TEAD4: variants seen among roughly 807,000 people sequenced by gnomAD.
TEAD4 encodes the protein TEA domain transcription factor 4.
Under a neutral mutation model 52.4 loss-of-function variants are expected in TEAD4, and 36 were observed. The ratio of observed to expected loss-of-function variants is 0.69; its 90% CI spans 0.53 to 0.91. TEAD4 has a LOEUF of 0.91. TEAD4 is among the 40% of genes least tolerant of loss of function. The probability of loss-of-function intolerance (pLI) is 0.00; values close to 1 mark genes in which losing one functional copy is unlikely to be tolerated. For missense variants in TEAD4, 508 were observed against 583.9 expected (o/e 0.87, Z 1.34); for synonymous variants, 220 against 231.0 (o/e 0.95, Z 0.43).
At chr12:3,032,949 T>G (rs951037161) in intron 10 of TEAD4, among the ~76,000 whole-genome samples, 4 of 152,258 alleles carry the variant, frequency 2.6e-5, no homozygotes, top group Non-Finnish European at 5.9e-5. Context: ...TCCTGTCTTC[T>G]GCTCCCTGGC....
At chr12:3,000,488 A>G (rs2098250785) in intron 3 of TEAD4, among the ~76,000 whole-genome samples, 1 of 152,116 alleles carries the variant, frequency 6.6e-6, no homozygotes, top group Non-Finnish European at 1.5e-5. Flanking sequence ...GACAGCCCCC[A>G]GTCCCACTCC....
intron 5 of TEAD4, among the ~76,000 whole-genome samples, chr12:3,016,389 A>G (rs1284997692): frequency 6.6e-6 from 1 of 152,154 alleles, no homozygotes; most frequent in East Asian, 1.9e-4. Flanking sequence ...AGCCCCGATA[A>G]AGCTGCAGAC....
At chr12:2,978,213 TTGG>T (rs2098231321) in intron 2 of TEAD4, among the ~76,000 whole-genome samples, 1 of 152,170 alleles carries the variant, frequency 6.6e-6, no homozygotes, top group African/African-American at 2.4e-5. Context: ...AACAATTTTT[TTGG>T]TGAAATATAT....
Position 3,018,608 on chromosome 12 carries a change from T to C in TEAD4, c.527+20T>C, listed in dbSNP as rs1450166477. The C allele has an allele frequency of 6.2e-7, 1 of 1,613,884 alleles. No homozygotes were observed. Among genetic ancestry groups the C allele is most frequent in the African/African-American group, 1.3e-5 (1 of 74,882 alleles). ...CCATGAGTGAGTATGGCCTCTGGTTTCTCTTGCCAGTTGCTCCCTGAACTG... is the reference window on the plus strand; with the variant it reads ...CCATGAGTGAGTATGGCCTCTGGTTCCTCTTGCCAGTTGCTCCCTGAACTG... On this transcript the variant is annotated intron_variant, in intron 7 of 12. Coordinates refer to ENST00000359864, the MANE Select transcript of TEAD4 (RefSeq NM_003213.4).
chr12:3,012,326 A>G, intron 5 of TEAD4, 94 bp downstream of exon 5: 1 of 1,358,266 alleles, frequency 7.4e-7, no homozygotes, highest in South Asian at 1.3e-5. Context: ...GCTGGTGTGC[A>G]AGTCAGTGTG....
chr12:2,988,404 A>G (rs527240946), intron 2 of TEAD4, among the ~76,000 whole-genome samples: 1 of 151,206 alleles, frequency 6.6e-6, no homozygotes, highest in African/African-American at 2.4e-5. Context: ...CTATAATCCC[A>G]GCTACTTGGG....
At chr12:3,023,832 ACTC>A (rs2098270345) in intron 10 of TEAD4, among the ~76,000 whole-genome samples, 1 of 148,976 alleles carries the variant, frequency 6.7e-6, no homozygotes, top group Admixed American at 6.7e-5. Context: ...TTCTTGTCCT[ACTC>A]CTCCCCACAC....
intron 9 of TEAD4, among the ~76,000 whole-genome samples, chr12:3,021,616 T>C (rs1018067671): frequency 2.0e-5 from 3 of 152,314 alleles, no homozygotes; most frequent in African/African-American, 7.2e-5. Context: ...CGGCTCAGAC[T>C]TCTTTTTAGC....
chr12:3,018,403 T>C, intron 6 of TEAD4, 142 bp from the exon 7 acceptor site: 1 of 881,098 alleles, frequency 1.1e-6, no homozygotes, highest in East Asian at 2.5e-5. Flanking sequence ...TGTGGCCTGT[T>C]AGCATTCACT....
intron 3 of TEAD4, among the ~76,000 whole-genome samples, chr12:3,007,458 A>C (rs777449063): frequency 6.6e-6 from 1 of 152,248 alleles, no homozygotes; most frequent in Non-Finnish European, 1.5e-5. Context: ...GTTCTCTGGC[A>C]AATAGGTATA....
intron 10 of TEAD4, among the ~76,000 whole-genome samples, chr12:3,033,008 CAGTT>C (rs1442769713): frequency 1.3e-5 from 2 of 152,192 alleles, no homozygotes; most frequent in Non-Finnish European, 2.9e-5. Context: ...TGGCCACACA[CAGTT>C]AGGAAGGAAA....
rs553020716 is a variant in TEAD4 at position 2,979,833 on chromosome 12, G to T, written c.-29-14905G>T. On this transcript the variant is annotated intron_variant, in intron 2 of 12. Coordinates refer to ENST00000359864, the MANE Select transcript of TEAD4 (RefSeq NM_003213.4). The stretch of plus-strand genomic sequence containing the variant: ...TTAACCCACGAACTTTGAGGGGCAC[G>T]TTCATACCAGAGCAGCGCCCAATGC... 5.9e-5 allele frequency among the ~76,000 whole-genome samples: 9 copies of T among 152,260 alleles called. No homozygotes were observed. In the South Asian group the frequency reaches 1.9e-3, roughly 32 times the overall value.
chr12:2,961,389 G>A (rs2098215149), intron 2 of TEAD4, among the ~76,000 whole-genome samples: 1 of 152,006 alleles, frequency 6.6e-6, no homozygotes, highest in South Asian at 2.1e-4. Flanking sequence ...GAAGGAAGGA[G>A]CCAGAAACTG....
chr12:2,967,650 A>T (rs1400171255), intron 2 of TEAD4, among the ~76,000 whole-genome samples: 1 of 152,210 alleles, frequency 6.6e-6, no homozygotes, highest in Non-Finnish European at 1.5e-5. Context: ...GGGCTGAAAA[A>T]CGAAGGAAGA....
intron 2 of TEAD4, among the ~76,000 whole-genome samples, chr12:2,987,261 G>T (rs1470906152): frequency 6.6e-6 from 1 of 152,138 alleles, no homozygotes; most frequent in Non-Finnish European, 1.5e-5. Context: ...AAAAAGAAGA[G>T]GTCAGGTCAG....
chr12:3,024,907 C>T (rs1040398566), intron 10 of TEAD4, among the ~76,000 whole-genome samples: 3 of 48,870 alleles, frequency 6.1e-5, no homozygotes, highest in Non-Finnish European at 1.8e-4. Context: ...AGATCTTTCT[C>T]CTGGCTGCCT....
chr12:3,032,905 A>G (rs2098276644), intron 10 of TEAD4, among the ~76,000 whole-genome samples: 1 of 152,114 alleles, frequency 6.6e-6, no homozygotes, highest in Admixed American at 6.5e-5. Context: ...GTGGGTCCTC[A>G]CAGGCTGCCC....
chr12:2,963,385 G>A (rs1469962436), intron 2 of TEAD4, among the ~76,000 whole-genome samples: 2 of 152,226 alleles, frequency 1.3e-5, no homozygotes, highest in Non-Finnish European at 2.9e-5. Flanking sequence ...TGGAAATTCA[G>A]GGCTTGTGAG....
chr12:2,972,066 GC>G (rs2098225594), intron 2 of TEAD4, among the ~76,000 whole-genome samples: 1 of 150,054 alleles, frequency 6.7e-6, no homozygotes, highest in Non-Finnish European at 1.5e-5. Context: ...CCTGGCTTCA[GC>G]CTCCCAAAGT....
Sources: gnomAD v4.1 joint callset for allele counts (sites outside exome capture counted in the v4.1 genomes callset) on GRCh38, gnomAD v4.1.1 for gene constraint, MANE v1.5 for transcripts, NCBI Gene and HGNC (gene_info 2026-07-23, HGNC 2026-07-21) for gene names.